Variants in ANK1 observed in about 807,000 individuals in gnomAD.
The protein encoded by ANK1 is ankyrin-1.
ANK1 carries 51 observed loss-of-function variants against 210.4 expected under a neutral mutation model. The ratio of observed to expected loss-of-function variants is 0.24; its 90% confidence interval spans 0.19 to 0.31. ANK1 has a LOEUF of 0.31. ANK1 is among the 10% of genes least tolerant of loss of function. The pLI is 1.00. For missense variants in ANK1, 2,051 were observed against 2,504.4 expected, an observed-to-expected ratio of 0.82 and a Z score of 3.86; for synonymous variants, 967 against 1,025.9, an observed-to-expected ratio of 0.94 and a Z score of 1.10.
intron 33 of ANK1, 33 bp downstream of exon 33, chr8:41,690,194 C>G (rs375195843): frequency 6.2e-7 from 1 of 1,613,838 alleles, no homozygotes; most frequent in African/African-American, 1.3e-5. Flanking sequence ...GAAGCCGTCT[C>G]GGGCCAAGGC....
At chr8:41,812,100 C>T (rs908871306) in intron 1 of ANK1, among the ~76,000 whole-genome samples, 1 of 152,204 alleles carries the variant, frequency 6.6e-6, no homozygotes, top group African/African-American at 2.4e-5. Flanking sequence ...GATATTAATT[C>T]ATCAAGTAAC....
chr8:41,761,792 C>A (rs1300525702), intron 1 of ANK1, among the ~76,000 whole-genome samples: 1 of 152,150 alleles, frequency 6.6e-6, no homozygotes, highest in African/African-American at 2.4e-5. Flanking sequence ...AACAGGGAGT[C>A]CCTAGGGCAT....
exon 1 of ANK1, chr8:41,896,693 C>G (rs1820579652): frequency 2.5e-6 from 1 of 400,850 alleles, no homozygotes; most frequent in Non-Finnish European, 3.7e-6. Flanking sequence ...CCCGGGATGG[C>G]GCTGCCGCCG....
chr8:41,819,814 A>G (rs1803907506), intron 1 of ANK1, among the ~76,000 whole-genome samples: 1 of 152,224 alleles, frequency 6.6e-6, no homozygotes, highest in Non-Finnish European at 1.5e-5. Context: ...GATCAAAAAT[A>G]CAGGATCTCA....
intron 37 of ANK1, among the ~76,000 whole-genome samples, chr8:41,684,107 T>G (rs1299884709): frequency 6.6e-6 from 1 of 152,220 alleles, no homozygotes; most frequent in Non-Finnish European, 1.5e-5. Flanking sequence ...CTCCATGCCC[T>G]CTGCTTCCCA....
At chr8:41,661,391 G>A (rs752533709) in intron 42 of ANK1, 39 bp downstream of exon 42, 3 of 1,611,400 alleles carry the variant, frequency 1.9e-6, no homozygotes, top group Non-Finnish European at 2.5e-6. Context: ...CTCCACTGAA[G>A]ACCAGGCCAT....
rs537158214 is a variant in ANK1 at position 41,688,905 on chromosome 8, A to T, written c.4105-316T>A. The stretch of plus-strand genomic sequence containing the variant: ...GTGCTGTATTACTCCCATTTCATCA[A>T]TACGTAAACTGAGGCATAGAGAGAC... On this transcript the variant is annotated intron_variant, in intron 33 of 42. Transcript: ENST00000289734. Among the ~76,000 whole-genome samples the T allele has an allele frequency of 1.4e-4, 21 of 152,320 alleles. No homozygotes were observed. In the South Asian group the frequency reaches 4.1e-3, roughly 30 times the overall value.
At position 41,723,601 on chromosome 8, in the gene ANK1, G is replaced by A. The variant is rs1480793531; in HGVS notation, c.744C>T (p.Arg248=). The A allele has an allele frequency of 6.2e-7, 1 of 1,613,640 alleles. No individual in the cohort carries two copies. Among genetic ancestry groups the A allele is most frequent in the African/African-American group, 1.3e-5 (1 of 74,874 alleles). ...GCCGCACCATGATCACGTTGCCCCTGCGGGAGGCGATGTGCAGTGGCGTGA... is the reference window on the plus strand; with the variant it reads ...GCCGCACCATGATCACGTTGCCCCTACGGGAGGCGATGTGCAGTGGCGTGA... ...NGITPLHIAS[R]RGNVIMVRLL... Residue 248 remains arginine (R), a synonymous_variant, in exon 8 of 43, where the codon CGC becomes CGT. Transcript: ENST00000289734.
intron 1 of ANK1, among the ~76,000 whole-genome samples, chr8:41,859,457 T>C (rs1284442426): frequency 6.6e-6 from 1 of 152,190 alleles, no homozygotes; most frequent in Non-Finnish European, 1.5e-5. Flanking sequence ...AGTGATTCTC[T>C]TGCTTCAGCG....
chr8:41,661,360 G>A lies in ANK1; in HGVS notation c.*36+70C>T, dbSNP rs866074245. 38 of 1,590,458 alleles carry A rather than the reference G, an allele frequency of 2.4e-5. No individual in the cohort carries two copies. The Admixed American group carries it at 5.2e-4, about 22-fold the overall frequency. ...ATGCTGGGGTGGCTGGGAGGGGATAGGGTGAGACAGGGAGCAGCCACTCCA... is the reference window on the plus strand; with the variant it reads ...ATGCTGGGGTGGCTGGGAGGGGATAAGGTGAGACAGGGAGCAGCCACTCCA... On this transcript the variant is annotated intron_variant, in intron 42 of 42. Coordinates refer to ENST00000289734, the MANE Select transcript of ANK1 (RefSeq NM_000037.4).
intron 36 of ANK1, among the ~76,000 whole-genome samples, chr8:41,685,840 C>G (rs758620041): frequency 6.6e-6 from 1 of 152,172 alleles, no homozygotes; most frequent in Non-Finnish European, 1.5e-5. Flanking sequence ...TTCTCGAACT[C>G]CTAGGCTCAA....
intron 1 of ANK1, among the ~76,000 whole-genome samples, chr8:41,860,522 G>T (rs1413993874): frequency 6.6e-6 from 1 of 152,192 alleles, no homozygotes; most frequent in Non-Finnish European, 1.5e-5. Flanking sequence ...GGCTGTGGTG[G>T]GAAGGCCAGC....
chr8:41,832,724 T>A (rs1182690322), intron 1 of ANK1, among the ~76,000 whole-genome samples: 1 of 152,224 alleles, frequency 6.6e-6, no homozygotes, highest in Non-Finnish European at 1.5e-5. Context: ...AAATACAGGA[T>A]ACCCAATACA....
chr8:41,859,153 T>C (rs1041754580), intron 1 of ANK1, among the ~76,000 whole-genome samples: 3 of 152,140 alleles, frequency 2.0e-5, no homozygotes, highest in South Asian at 2.1e-4. Flanking sequence ...TGAGACCCCA[T>C]GGTGCAGCAG....
At chr8:41,892,332 G>A (rs1819607284) in intron 1 of ANK1, among the ~76,000 whole-genome samples, 1 of 152,136 alleles carries the variant, frequency 6.6e-6, no homozygotes, top group South Asian at 2.1e-4. Context: ...GCTGAGAGAG[G>A]AAGGCTGCAG....
At chr8:41,678,241 C>T (rs184684243) in intron 37 of ANK1, among the ~76,000 whole-genome samples, 6 of 152,008 alleles carry the variant, frequency 3.9e-5, no homozygotes, top group East Asian at 3.9e-4. Flanking sequence ...TGGGTTCAAG[C>T]GATTCTCCTG....
intron 1 of ANK1, among the ~76,000 whole-genome samples, chr8:41,802,958 G>T (rs1210964345): frequency 2.0e-5 from 1 of 50,492 alleles, no homozygotes; most frequent in East Asian, 4.6e-4. Flanking sequence ...AGGGGGGGGG[G>T]GAGAGAGAGA....
intron 9 of ANK1, among the ~76,000 whole-genome samples, chr8:41,721,132 A>G (rs1330306742): frequency 6.6e-6 from 1 of 152,182 alleles, no homozygotes; most frequent in African/African-American, 2.4e-5. Flanking sequence ...TGGAAACAGG[A>G]TCTTCGGGGA....
intron 35 of ANK1, 70 bp downstream of exon 35, chr8:41,688,086 T>C (rs548754663): frequency 1.3e-6 from 2 of 1,513,862 alleles, no homozygotes; most frequent in Admixed American, 1.7e-5. Context: ...GCCTCATTCA[T>C]TGCTCATTAC....
Sources: gnomAD v4.1 joint callset for allele counts (sites outside exome capture counted in the v4.1 genomes callset) on GRCh38, gnomAD v4.1.1 for gene constraint, MANE v1.5 for transcripts, NCBI Gene and HGNC (gene_info 2026-07-23, HGNC 2026-07-21) for gene names.